RBFOX2: variants seen among roughly 807,000 people sequenced by gnomAD.
The protein encoded by RBFOX2 is RNA binding fox-1 homolog 2, also known as RNA binding protein fox-1 homolog 2.
A neutral mutation model predicts 49.1 loss-of-function variants in RBFOX2; 10 were observed. The observed-to-expected ratio is 0.20, with a 90% CI of 0.13 to 0.35. The LOEUF is 0.35. Ranked by LOEUF, RBFOX2 falls within the 10% of genes least tolerant of loss-of-function variation. RBFOX2 has a pLI of 1.00. For synonymous variants in RBFOX2, 183 were observed against 187.4 expected, an observed-to-expected ratio of 0.98 and a Z score of 0.19; for missense variants, 323 against 486.9, an observed-to-expected ratio of 0.66 and a Z score of 3.17.
Position 36,028,305 on chromosome 22 carries a change from C to G in RBFOX2, c.121G>C (p.Asp41His), listed in dbSNP as rs769783955. 362 of 1,529,078 alleles carry G rather than the reference C, an allele frequency of 2.4e-4. No individual in the cohort carries two copies. Among genetic ancestry groups the G allele is most frequent in the Non-Finnish European group, 3.0e-4 (343 of 1,147,584 alleles). The allele number at this position is 1,529,078 out of a possible 1,614,324, so 94.7% of individuals were successfully genotyped here. ...CGCGGCCGCTTGCTCAGGCCGGGAT[C>G]GGCTCCGTCTCCTCCCGCTCCGGGC... The change falls in exon 1 of 14, where the codon GAT becomes CAT. Residue 41 changes from aspartate (D) to histidine (H), a missense_variant. Physicochemically the swap from Asp to His is moderately conservative, Grantham distance 81. Transcript: ENST00000438146.
At chr22:35,859,301 C>CT (rs1230449888) in intron 1 of RBFOX2, among the ~76,000 whole-genome samples, 2 of 152,070 alleles carry the variant, frequency 1.3e-5, no homozygotes, top group South Asian at 2.1e-4. Context: ...TGGTGGGAAG[C>CT]TTTGAGGCAG....
chr22:35,925,141 G>A (rs1012629987), intron 1 of RBFOX2, among the ~76,000 whole-genome samples: 4 of 151,914 alleles, frequency 2.6e-5, no homozygotes, highest in African/African-American at 7.3e-5. Flanking sequence ...GCAGTGAGCC[G>A]AGATCCAGCC....
intron 1 of RBFOX2, among the ~76,000 whole-genome samples, chr22:35,930,531 T>C (rs1341512298): frequency 6.6e-6 from 1 of 151,954 alleles, no homozygotes; most frequent in Non-Finnish European, 1.5e-5. Flanking sequence ...AAGAGGTCTA[T>C]AAAACTGCTA....
At chr22:35,970,943 C>T (rs1355413571) in intron 1 of RBFOX2, among the ~76,000 whole-genome samples, 1 of 152,090 alleles carries the variant, frequency 6.6e-6, no homozygotes, top group Admixed American at 6.6e-5. Flanking sequence ...CAATACCAGG[C>T]ATACCCTCAG....
At chr22:35,963,059 CAAAAAAAAAAAA>C (rs34027896), upstream of RBFOX2, among the ~76,000 whole-genome samples, 418 of 33,608 alleles carry the variant, frequency 0.012, 7 homozygotes, top group African/African-American at 0.04. Flanking sequence ...AACTCTCCAG[CAAAAAAAAAAAA>C]AAAAAAAAAA....
intron 1 of RBFOX2, among the ~76,000 whole-genome samples, chr22:35,882,597 C>T (rs1369059344): frequency 6.6e-6 from 1 of 151,960 alleles, no homozygotes; most frequent in Non-Finnish European, 1.5e-5. Flanking sequence ...CTTGATGATC[C>T]CAGAGAGAGG....
chr22:35,838,277 T>A (rs1040152652), intron 1 of RBFOX2, among the ~76,000 whole-genome samples: 2 of 151,594 alleles, frequency 1.3e-5, no homozygotes, highest in Admixed American at 6.6e-5. Flanking sequence ...TTTTTTTTTT[T>A]AATTCTTCAG....
At chr22:35,819,656 T>C (rs1267281767) in intron 1 of RBFOX2, among the ~76,000 whole-genome samples, 1 of 152,246 alleles carries the variant, frequency 6.6e-6, no homozygotes. Context: ...ATTGAGTATC[T>C]ATCATTCATC....
chr22:35,844,798 G>A (rs907157848), upstream of RBFOX2, among the ~76,000 whole-genome samples: 4 of 151,822 alleles, frequency 2.6e-5, no homozygotes, highest in South Asian at 2.1e-4. Context: ...GAGCCACCGC[G>A]CCTGGCCTTA....
At chr22:35,781,069 G>A (rs1441801594) in intron 3 of RBFOX2, among the ~76,000 whole-genome samples, 1 of 152,136 alleles carries the variant, frequency 6.6e-6, no homozygotes, top group Non-Finnish European at 1.5e-5. Context: ...CCAAACTTAT[G>A]TGCACATTAG....
intron 1 of RBFOX2, among the ~76,000 whole-genome samples, chr22:35,976,243 T>C (rs981437702): frequency 6.6e-6 from 1 of 152,180 alleles, no homozygotes; most frequent in African/African-American, 2.4e-5. Flanking sequence ...ACTCCTTATC[T>C]TTCTATTTTA....
intron 2 of RBFOX2, among the ~76,000 whole-genome samples, chr22:35,800,169 T>C (rs1190481955): frequency 6.6e-6 from 1 of 152,188 alleles, no homozygotes; most frequent in Non-Finnish European, 1.5e-5. Context: ...GTGCTACCTC[T>C]TATCTTACTC....
chr22:35,847,743 C>T (rs984407671), intron 1 of RBFOX2, among the ~76,000 whole-genome samples: 5 of 151,802 alleles, frequency 3.3e-5, no homozygotes, highest in East Asian at 1.9e-4. Flanking sequence ...CATTTCTAAA[C>T]GACGTTAATT....
chr22:35,794,071 T>G (rs1444908016), intron 2 of RBFOX2, among the ~76,000 whole-genome samples: 2 of 152,186 alleles, frequency 1.3e-5, no homozygotes, highest in Non-Finnish European at 2.9e-5. Flanking sequence ...CCTCAATTTT[T>G]TAAAACTTTA....
At chr22:35,779,504 C>T (rs1039823507) in intron 3 of RBFOX2, among the ~76,000 whole-genome samples, 2 of 152,134 alleles carry the variant, frequency 1.3e-5, no homozygotes, top group Non-Finnish European at 2.9e-5. Context: ...ATAGAAGAAT[C>T]ACGGAAAAAG....
chr22:35,942,955 T>C (rs1341692747), upstream of RBFOX2, among the ~76,000 whole-genome samples: 2 of 152,172 alleles, frequency 1.3e-5, no homozygotes, highest in Non-Finnish European at 2.9e-5. Flanking sequence ...TCTCACTTAG[T>C]CCTCACAATG....
intron 1 of RBFOX2, among the ~76,000 whole-genome samples, chr22:35,928,539 C>T (rs2051956480): frequency 1.3e-5 from 2 of 152,146 alleles, no homozygotes; most frequent in South Asian, 2.1e-4. Flanking sequence ...AGCAGAGAGG[C>T]AAATGCCTGT....
At chr22:36,015,310 T>C (rs1325793289) in intron 1 of RBFOX2, among the ~76,000 whole-genome samples, 2 of 152,208 alleles carry the variant, frequency 1.3e-5, no homozygotes, top group Non-Finnish European at 2.9e-5. Flanking sequence ...GCTTAAGCAA[T>C]AGCTGAATAG....
chr22:35,759,261 C>T lies in RBFOX2; in HGVS notation c.887+627G>A, dbSNP rs570788969. Among the ~76,000 whole-genome samples, 3 of 152,320 alleles carry T rather than the reference C, an allele frequency of 2.0e-5. No individual in the cohort carries two copies. Among genetic ancestry groups the T allele is most frequent in the Non-Finnish European group, 4.4e-5 (3 of 68,032 alleles). Reference sequence around the variant, plus strand: ...ACGGTGAAGGATGCTCAGCTACAGTCGCTGTTTTACCATCATTCAGAAGCC... The same window carrying T: ...ACGGTGAAGGATGCTCAGCTACAGTTGCTGTTTTACCATCATTCAGAAGCC... On this transcript the variant is annotated intron_variant, in intron 9 of 11. Coordinates refer to ENST00000405409, the Ensembl canonical transcript of RBFOX2. The surrounding 1 kb of genome is among the most constrained non-coding windows in gnomAD (Gnocchi z 4.6).
Sources: allele counts gnomAD v4.1 joint callset (sites outside exome capture counted in the v4.1 genomes callset), GRCh38; gene constraint gnomAD v4.1.1; non-coding constraint Gnocchi (gnomAD v3.1); transcripts MANE v1.5; gene names NCBI Gene and HGNC (gene_info 2026-07-23, HGNC 2026-07-21).